The following RNF130 variants were observed in gnomAD, a reference collection of about 807,000 sequenced individuals.
The protein encoded by RNF130 is ring finger protein 130.
A neutral mutation model predicts 44.6 loss-of-function variants in RNF130; 21 were observed. The observed-to-expected ratio is 0.47, with a 90% confidence interval of 0.33 to 0.68. The LOEUF is 0.68. Ranked by LOEUF, RNF130 falls within the 30% of genes least tolerant of loss-of-function variation. RNF130 has a pLI of 0.02. For synonymous variants in RNF130, 214 were observed against 210.4 expected (o/e 1.02, Z -0.15); for missense variants, 479 against 560.6 (o/e 0.85, Z 1.47).
intron 1 of RNF130, among the ~76,000 whole-genome samples, chr5:180,044,016 C>CT (rs1764491291): frequency 6.6e-6 from 1 of 152,260 alleles, no homozygotes; most frequent in African/African-American, 2.4e-5. Context: ...AACAACGGTT[C>CT]TATAACAACT....
intron 2 of RNF130, among the ~76,000 whole-genome samples, chr5:180,039,215 T>C (rs867343907): frequency 1.3e-5 from 2 of 152,124 alleles, no homozygotes; most frequent in Non-Finnish European, 2.9e-5. Context: ...ACTTTTGCAA[T>C]TGGAAAAAAT....
intron 7 of RNF130, 33 bp downstream of exon 7, chr5:179,966,773 A>G (rs1031918298): frequency 5.0e-6 from 8 of 1,592,132 alleles, no homozygotes; most frequent in Admixed American, 1.8e-5. Context: ...AGGCAGCCAC[A>G]TGCCCTGTGC....
At chr5:180,038,840 A>G (rs1194528216) in intron 2 of RNF130, among the ~76,000 whole-genome samples, 5 of 152,166 alleles carry the variant, frequency 3.3e-5, no homozygotes, top group African/African-American at 1.2e-4. Flanking sequence ...AGAAAAATAC[A>G]TTTTGCTCAG....
At chr5:179,923,631 G>A (rs1162420346) in intron 7 of RNF130, among the ~76,000 whole-genome samples, 3 of 152,202 alleles carry the variant, frequency 2.0e-5, no homozygotes, top group Non-Finnish European at 4.4e-5. Flanking sequence ...CAAAGGCTGA[G>A]CTTCACCCAT....
chr5:179,946,942 G>T (rs987649141), intron 7 of RNF130, among the ~76,000 whole-genome samples: 1 of 152,048 alleles, frequency 6.6e-6, no homozygotes, highest in Non-Finnish European at 1.5e-5. Context: ...CCTAGCTCCC[G>T]TTATTTCTAC....
Position 179,969,066 on chromosome 5 carries a change from C to A in RNF130, c.945+1344G>T, listed in dbSNP as rs1762524060. Among the ~76,000 whole-genome samples the A allele has an allele frequency of 1.3e-5, 2 of 152,228 alleles. 1 individual carries two copies. Among genetic ancestry groups the A allele is most frequent in the Admixed American group, 1.3e-4 (2 of 15,280 alleles). ...ACTTCGATCTCCTTTGGGTTGCAAG[C>A]TAAAATGAGTTCATCTGTTGGATCA... On this transcript the variant is annotated intron_variant, in intron 6 of 8. Transcript: ENST00000521389.
intron 3 of RNF130, among the ~76,000 whole-genome samples, chr5:179,998,823 A>G (rs1488222121): frequency 7.2e-6 from 1 of 139,850 alleles, no homozygotes; most frequent in Non-Finnish European, 1.5e-5. Flanking sequence ...CTATTACTGT[A>G]TTAGAGTTTA....
chr5:179,933,646 C>T (rs1273240488), intron 7 of RNF130, among the ~76,000 whole-genome samples: 3 of 151,700 alleles, frequency 2.0e-5, no homozygotes, highest in East Asian at 1.9e-4. Flanking sequence ...CTCAGCCTCC[C>T]GAGTAGCTGA....
intron 1 of RNF130, among the ~76,000 whole-genome samples, chr5:180,065,097 T>G (rs1765070874): frequency 6.6e-6 from 1 of 151,936 alleles, no homozygotes; most frequent in Admixed American, 6.6e-5. Flanking sequence ...TAACCAATGC[T>G]TGGAATTCAT....
chr5:179,975,651 C>T (rs919477389), intron 5 of RNF130, among the ~76,000 whole-genome samples: 17 of 152,152 alleles, frequency 1.1e-4, no homozygotes, highest in Admixed American at 9.2e-4. Flanking sequence ...AACAAACAGC[C>T]GCTCAGTTCC....
intron 3 of RNF130, among the ~76,000 whole-genome samples, chr5:179,981,494 C>T (rs1215046583): frequency 6.6e-6 from 1 of 152,198 alleles, no homozygotes; most frequent in Non-Finnish European, 1.5e-5. Flanking sequence ...ATAAAGCCTT[C>T]CCTATGTATC....
chr5:179,964,862 T>A (rs972258138), intron 7 of RNF130, among the ~76,000 whole-genome samples: 4 of 152,166 alleles, frequency 2.6e-5, no homozygotes, highest in African/African-American at 7.2e-5. Context: ...AACTTCCTCA[T>A]CAGTAGATTG....
chr5:180,037,455 C>T (rs1582209578), intron 2 of RNF130, among the ~76,000 whole-genome samples: 1 of 152,322 alleles, frequency 6.6e-6, no homozygotes, highest in East Asian at 1.9e-4. Flanking sequence ...CCAACCCGCA[C>T]TCAGGAGGCA....
At chr5:180,006,570 T>C (rs904442596) in intron 3 of RNF130, among the ~76,000 whole-genome samples, 12 of 152,214 alleles carry the variant, frequency 7.9e-5, no homozygotes, top group African/African-American at 2.7e-4. Context: ...AAAAAGCACA[T>C]GCATTTTCAC....
intron 7 of RNF130, among the ~76,000 whole-genome samples, chr5:179,926,720 A>G (rs1761712054): frequency 6.6e-6 from 1 of 152,158 alleles, no homozygotes; most frequent in Non-Finnish European, 1.5e-5. Context: ...AACCAAACCT[A>G]AGGAGGGGGC....
intron 3 of RNF130, among the ~76,000 whole-genome samples, chr5:179,985,471 G>A (rs944600570): frequency 9.2e-5 from 14 of 152,150 alleles, no homozygotes; most frequent in Admixed American, 6.5e-4. Flanking sequence ...GGCATGTCTG[G>A]GGTCAAGAAG....
chr5:179,990,431 C>T (rs557698981), intron 3 of RNF130, among the ~76,000 whole-genome samples: 1 of 152,220 alleles, frequency 6.6e-6, no homozygotes, highest in African/African-American at 2.4e-5. Flanking sequence ...GCCAGGTGTA[C>T]AGGATGGAAC....
chr5:180,057,202 G>A (rs1401874033), intron 1 of RNF130, among the ~76,000 whole-genome samples: 2 of 152,178 alleles, frequency 1.3e-5, no homozygotes, highest in Non-Finnish European at 2.9e-5. Flanking sequence ...CTCTGGGGAG[G>A]GGCAAGGGGC....
intron 6 of RNF130, 29 bp from the exon 7 acceptor site, chr5:179,967,039 T>C (rs751808405): frequency 1.9e-6 from 3 of 1,581,150 alleles, no homozygotes; most frequent in Admixed American, 1.7e-5. Context: ...TTAAAAATAA[T>C]TGTAAGGAAA....
Sources: allele counts gnomAD v4.1 joint callset (sites outside exome capture counted in the v4.1 genomes callset), GRCh38; gene constraint gnomAD v4.1.1; transcripts MANE v1.5; gene names NCBI Gene and HGNC (gene_info 2026-07-23, HGNC 2026-07-21).